ADGRG6: variants seen among roughly 807,000 people sequenced by gnomAD.
ADGRG6 encodes adhesion G protein-coupled receptor G6.
In ADGRG6, 84 loss-of-function variants were observed where a neutral mutation model predicts 142.4. That is an observed-to-expected ratio of 0.59 (90% CI 0.49 to 0.71). ADGRG6 has a LOEUF of 0.71. Ranked by LOEUF, ADGRG6 falls within the 30% of genes least tolerant of loss-of-function variation. ADGRG6 has a pLI of 0.00. For missense variants in ADGRG6, 1,367 were observed against 1,466.6 expected (o/e 0.93, Z 1.11); for synonymous variants, 521 against 520.5 (o/e 1.00, Z -0.01).
chr6:142,434,025 C>T (rs894759154), intron 22 of ADGRG6, among the ~76,000 whole-genome samples: 3 of 152,056 alleles, frequency 2.0e-5, no homozygotes, highest in African/African-American at 7.2e-5. Flanking sequence ...CTTCATCCAG[C>T]CTGGGCAACA....
intron 6 of ADGRG6, among the ~76,000 whole-genome samples, chr6:142,384,280 T>C (rs936847721): frequency 6.6e-6 from 1 of 152,132 alleles, no homozygotes; most frequent in African/African-American, 2.4e-5. Flanking sequence ...GTGAACTTTA[T>C]GGTCATATAT....
At chr6:142,313,568 C>T (rs1253000285) in intron 2 of ADGRG6, among the ~76,000 whole-genome samples, 4 of 152,138 alleles carry the variant, frequency 2.6e-5, no homozygotes, top group African/African-American at 9.7e-5. Flanking sequence ...GAGACATCAA[C>T]AGCTACCAGG....
At position 142,419,833 on chromosome 6, in the gene ADGRG6, A is replaced by G; in HGVS notation, c.3048A>G (p.Gln1016=). 1 of 1,605,018 alleles carries G rather than the reference A, an allele frequency of 6.2e-7. No individual in the cohort carries two copies. Among genetic ancestry groups the G allele is most frequent in the Non-Finnish European group, 8.5e-7 (1 of 1,174,920 alleles). ...KEKGDEFCWI[Q]DPVIFYVTCA... ...CTTCTTTTTTAAGCTGTTGGATTCAAGATCCAGTCATATTTTATGTGACCT... is the reference window on the plus strand; with the variant it reads ...CTTCTTTTTTAAGCTGTTGGATTCAGGATCCAGTCATATTTTATGTGACCT... The change falls in exon 22 of 25, where the codon CAA becomes CAG. Residue 1016 remains glutamine, a synonymous_variant. Transcript: ENST00000367609.
At chr6:142,323,765 T>G (rs1778630543) in intron 2 of ADGRG6, among the ~76,000 whole-genome samples, 1 of 152,054 alleles carries the variant, frequency 6.6e-6, no homozygotes, top group African/African-American at 2.4e-5. Context: ...TATTTGCGTA[T>G]CTGAATGTGT....
intron 4 of ADGRG6, among the ~76,000 whole-genome samples, chr6:142,378,685 T>C (rs1781610647): frequency 1.3e-5 from 2 of 152,176 alleles, no homozygotes; most frequent in African/African-American, 4.8e-5. Context: ...CCAAGCTTCC[T>C]CTTCTTGCAT....
At chr6:142,349,909 C>T (rs1466701617) in intron 2 of ADGRG6, among the ~76,000 whole-genome samples, 3 of 152,118 alleles carry the variant, frequency 2.0e-5, no homozygotes, top group Non-Finnish European at 4.4e-5. Context: ...TCTGTGGTTC[C>T]TCAAAATCCT....
At chr6:142,321,313 G>A (rs925594540) in intron 2 of ADGRG6, among the ~76,000 whole-genome samples, 9 of 109,100 alleles carry the variant, frequency 8.2e-5, no homozygotes, top group South Asian at 5.8e-4. Context: ...ACACACACAC[G>A]TGTATATACT....
At chr6:142,439,056 T>C (rs1372199874) in intron 24 of ADGRG6, among the ~76,000 whole-genome samples, 3 of 152,180 alleles carry the variant, frequency 2.0e-5, no homozygotes, top group Non-Finnish European at 4.4e-5. Flanking sequence ...GAGGCTGAGA[T>C]GGTGGGATTG....
intron 2 of ADGRG6, among the ~76,000 whole-genome samples, chr6:142,322,479 A>G (rs2114615412): frequency 6.6e-6 from 1 of 152,256 alleles, no homozygotes. Context: ...GGTCAAGTGT[A>G]AGATGCCACC....
At chr6:142,330,380 G>A (rs1354248956) in intron 2 of ADGRG6, among the ~76,000 whole-genome samples, 1 of 152,184 alleles carries the variant, frequency 6.6e-6, no homozygotes, top group African/African-American at 2.4e-5. Context: ...AAAAAATTCG[G>A]TGGTGAAAAC....
At chr6:142,312,300 G>A (rs1777807446) in intron 2 of ADGRG6, among the ~76,000 whole-genome samples, 1 of 151,936 alleles carries the variant, frequency 6.6e-6, no homozygotes. Flanking sequence ...TAGAATTGCA[G>A]TATTAAGTTT....
At chr6:142,389,632 A>C (rs533873567) in intron 6 of ADGRG6, among the ~76,000 whole-genome samples, 67 of 152,022 alleles carry the variant, frequency 4.4e-4, no homozygotes, top group African/African-American at 1.6e-3. Context: ...TCCAATGAAA[A>C]TTCTACCTGC....
rs116680602 is a variant in ADGRG6, at chr6:142,315,602, G to A, written c.103+5958G>A. On this transcript the variant is annotated intron_variant, in intron 2 of 24. Coordinates refer to ENST00000367609, the MANE Select transcript of ADGRG6 (RefSeq NM_198569.3). ...AAGGTTCCTTTGGGAGGCCGAGGCG[G>A]CGGGCAGATCATGAGGCCAGAAGTT... Among the ~76,000 whole-genome samples, 1,458 of 152,088 alleles carry A rather than the reference G, an allele frequency of 9.6e-3. 23 individuals carry two copies. The highest frequency in any genetic ancestry group is 0.058 in the East Asian group (301 of 5,158).
intron 6 of ADGRG6, among the ~76,000 whole-genome samples, chr6:142,389,552 C>T (rs1259323209): frequency 6.6e-6 from 1 of 151,678 alleles, no homozygotes; most frequent in Non-Finnish European, 1.5e-5. Context: ...TTAAAGATTC[C>T]CCCCACCCAA....
chr6:142,377,936 G>A (rs1213142375), intron 4 of ADGRG6, among the ~76,000 whole-genome samples: 6 of 152,116 alleles, frequency 3.9e-5, no homozygotes, highest in Admixed American at 2.0e-4. Context: ...ATATTCCAGT[G>A]TGATTTTTAT....
At chr6:142,391,152 A>C (rs762151548) in intron 7 of ADGRG6, among the ~76,000 whole-genome samples, 14 of 151,698 alleles carry the variant, frequency 9.2e-5, no homozygotes, top group Admixed American at 4.6e-4. Flanking sequence ...TTTTCTTACA[A>C]ATACAACACA....
rs1229710316 is a variant in ADGRG6, at chr6:142,367,748, A to T, written c.283A>T (p.Ile95Phe). 1.9e-6 allele frequency: 3 copies of T among 1,613,934 alleles called. No homozygotes were observed. Among genetic ancestry groups the T allele is most frequent in the Non-Finnish European group, 2.5e-6 (3 of 1,179,848 alleles). ...DFDIEEAPNC[I>F]YDSLSLDNGE... The stretch of plus-strand genomic sequence containing the variant: ...TGACATTGAAGAAGCTCCCAATTGC[A>T]TTTATGACTCATTATCCCTTGATAA... Residue 95 changes from isoleucine to phenylalanine, a missense_variant, in exon 3 of 25, where the codon ATT (isoleucine) becomes TTT (phenylalanine). By Grantham distance (21) the Ile-to-Phe change is conservative. Transcript: ENST00000367609.
chr6:142,307,088 G>A (rs1156909137), intron 1 of ADGRG6, among the ~76,000 whole-genome samples: 4 of 152,074 alleles, frequency 2.6e-5, no homozygotes, highest in Non-Finnish European at 5.9e-5. Context: ...ACCTTTTATA[G>A]CAAAGAAGTT....
intron 19 of ADGRG6, 29 bp downstream of exon 19, chr6:142,415,125 A>G (rs760242385): frequency 6.3e-7 from 1 of 1,583,854 alleles, no homozygotes; most frequent in Non-Finnish European, 8.6e-7. Context: ...TGCCAAACCC[A>G]TTGCTAACTG....
Sources: gnomAD v4.1 joint callset for allele counts (sites outside exome capture counted in the v4.1 genomes callset) on GRCh38, gnomAD v4.1.1 for gene constraint, MANE v1.5 for transcripts, NCBI Gene and HGNC (gene_info 2026-07-23, HGNC 2026-07-21) for gene names.